PFKFB3: variants seen among roughly 807,000 people sequenced by gnomAD.
The protein encoded by PFKFB3 is 6-phosphofructo-2-kinase/fructose-2,6-biphosphatase 3, also known as 6-phosphofructo-2-kinase/fructose-2,6-bisphosphatase 3.
A neutral mutation model predicts 68.0 loss-of-function variants in PFKFB3; 33 were observed. The ratio of observed to expected loss-of-function variants is 0.49; its 90% CI spans 0.37 to 0.65. The LOEUF is 0.65. Among genes scored for constraint, PFKFB3 ranks in the 30% least tolerant of loss-of-function variants. The pLI is 0.00. For synonymous variants in PFKFB3, 315 were observed against 288.2 expected (o/e 1.09, Z -0.94); for missense variants, 586 against 712.2 (o/e 0.82, Z 2.02).
the PFKFB3 span, among the ~76,000 whole-genome samples, chr10:6,275,433 G>A: frequency 1.1e-4 from 17 of 152,348 alleles, no homozygotes; most frequent in African/African-American, 4.1e-4. This position sits in a 1 kb window ranked among gnomAD's most constrained non-coding sequence, Gnocchi z 4.9. Context: ...AGCTGACACT[G>A]CATGCCGGGA....
the PFKFB3 span, among the ~76,000 whole-genome samples, chr10:6,287,556 G>T: frequency 4.6e-5 from 7 of 152,232 alleles, 1 homozygote; most frequent in South Asian, 1.5e-3. Flanking sequence ...GCCTAGGTGT[G>T]CAGTAGGCTA....
chr10:6,228,282 T>G lies in PFKFB3; in HGVS notation c.1515+1917T>G. The G allele has an allele frequency of 9.6e-6, 15 of 1,563,608 alleles. No individual in the cohort carries two copies. The highest frequency in any genetic ancestry group is 1.1e-5 in the Non-Finnish European group (12 of 1,135,370). On this transcript the variant is annotated intron_variant, in intron 14 of 14. Transcript: ENST00000379775. This position sits in a 1 kb window ranked among gnomAD's most constrained non-coding sequence, Gnocchi z 4.5. ...TTTCTTCCTGCTTGCTCATTTGGCC[T>G]CCTGCCTGTTAAAATATTGAGGATG... is the stretch of plus-strand genomic sequence containing the variant.
At chr10:6,163,088 C>T (rs1842013733) in intron 1 of PFKFB3, among the ~76,000 whole-genome samples, 1 of 152,178 alleles carries the variant, frequency 6.6e-6, no homozygotes, top group Non-Finnish European at 1.5e-5. Context: ...GGAATGTTGT[C>T]TTCATCTTGA....
At chr10:6,305,890 G>A in the PFKFB3 span, among the ~76,000 whole-genome samples, 1,055 of 152,286 alleles carry the variant, frequency 6.9e-3, 6 homozygotes, top group Non-Finnish European at 0.011. Context: ...CTGGAAATCT[G>A]CCTGGAACCT....
At chr10:6,240,171 A>G (rs1405610644), downstream of PFKFB3, among the ~76,000 whole-genome samples, 1 of 152,236 alleles carries the variant, frequency 6.6e-6, no homozygotes, top group Non-Finnish European at 1.5e-5. Context: ...GACGTTTGCA[A>G]GTTAGCATTC....
At chr10:6,183,854 ATTTT>A (rs893037929) in intron 1 of PFKFB3, among the ~76,000 whole-genome samples, 1 of 149,060 alleles carries the variant, frequency 6.7e-6, no homozygotes, top group African/African-American at 2.5e-5. Flanking sequence ...CGCCCGGCTA[ATTTT>A]TTTTTATATT....
intron 1 of PFKFB3, among the ~76,000 whole-genome samples, chr10:6,182,982 G>C (rs567845276): frequency 2.0e-5 from 3 of 152,168 alleles, no homozygotes; most frequent in Non-Finnish European, 4.4e-5. Flanking sequence ...GGATGGGGCG[G>C]TGCCCAGCAC....
chr10:6,307,956 C>A, the PFKFB3 span, among the ~76,000 whole-genome samples: 3 of 152,162 alleles, frequency 2.0e-5, no homozygotes, highest in Admixed American at 6.5e-5. Flanking sequence ...CAAGTTCTGC[C>A]CCCTTCCCCA....
At chr10:6,268,676 AGTT>A in the PFKFB3 span, among the ~76,000 whole-genome samples, 1 of 151,154 alleles carries the variant, frequency 6.6e-6, no homozygotes, top group Non-Finnish European at 1.5e-5. Flanking sequence ...AAAAAAGACT[AGTT>A]AACTTTTTTT....
intron 1 of PFKFB3, among the ~76,000 whole-genome samples, chr10:6,175,313 T>C (rs906533191): frequency 6.6e-6 from 1 of 152,180 alleles, no homozygotes; most frequent in African/African-American, 2.4e-5. Context: ...CTTTCCATCA[T>C]GGCACTTTGG....
At chr10:6,178,460 G>A (rs1015665307) in intron 1 of PFKFB3, among the ~76,000 whole-genome samples, 1 of 152,218 alleles carries the variant, frequency 6.6e-6, no homozygotes, top group Admixed American at 6.5e-5. Flanking sequence ...AGAGGGGGCT[G>A]CAAGCTCAGG....
the PFKFB3 span, among the ~76,000 whole-genome samples, chr10:6,269,157 A>G: frequency 6.6e-6 from 1 of 151,560 alleles, no homozygotes; most frequent in Non-Finnish European, 1.5e-5. Context: ...CTGGGTCTTC[A>G]TCTTCCCTGA....
intron 1 of PFKFB3, among the ~76,000 whole-genome samples, chr10:6,207,406 C>T (rs986430817): frequency 5.2e-4 from 79 of 152,302 alleles, no homozygotes; most frequent in African/African-American, 1.5e-3. Flanking sequence ...AGCTTTGGCT[C>T]GGCATCAGAG....
intron 1 of PFKFB3, among the ~76,000 whole-genome samples, chr10:6,155,266 G>A (rs567504458): frequency 3.3e-5 from 5 of 150,338 alleles, no homozygotes; most frequent in South Asian, 4.2e-4. Flanking sequence ...GCAGTGGCGC[G>A]ATCTCGGCTC....
At chr10:6,183,311 A>G (rs1338631661) in intron 1 of PFKFB3, among the ~76,000 whole-genome samples, 2 of 152,162 alleles carry the variant, frequency 1.3e-5, no homozygotes, top group African/African-American at 4.8e-5. Context: ...TAGAATCTAG[A>G]CTATTTTTTT....
At chr10:6,319,093 G>C in the PFKFB3 span, among the ~76,000 whole-genome samples, 2 of 152,222 alleles carry the variant, frequency 1.3e-5, no homozygotes, top group Non-Finnish European at 1.5e-5. Context: ...CTAGATGCTA[G>C]AGATTCAGCA....
intron 1 of PFKFB3, among the ~76,000 whole-genome samples, chr10:6,189,049 C>T (rs923671843): frequency 5.9e-5 from 9 of 152,084 alleles, no homozygotes; most frequent in South Asian, 4.1e-4. Flanking sequence ...CTGTGTTAGC[C>T]AGGATGGTCT....
the PFKFB3 span, among the ~76,000 whole-genome samples, chr10:6,317,710 C>T: frequency 2.0e-5 from 3 of 152,146 alleles, no homozygotes; most frequent in African/African-American, 7.2e-5. Context: ...TTGTTTCTAT[C>T]TCACCTTCTT....
At chr10:6,314,244 G>A in the PFKFB3 span, among the ~76,000 whole-genome samples, 4 of 152,294 alleles carry the variant, frequency 2.6e-5, no homozygotes, top group South Asian at 8.3e-4. Flanking sequence ...CTGTGGTCCA[G>A]CACGATTCTA....
Sources: allele counts gnomAD v4.1 joint callset (sites outside exome capture counted in the v4.1 genomes callset), GRCh38; gene constraint gnomAD v4.1.1; non-coding constraint Gnocchi (gnomAD v3.1); transcripts MANE v1.5; gene names NCBI Gene and HGNC (gene_info 2026-07-23, HGNC 2026-07-21).